The following NIBAN3 variants were observed in gnomAD, a reference collection of about 807,000 sequenced individuals.
NIBAN3 encodes the protein protein Niban 3.
In NIBAN3, 66 loss-of-function variants were observed where a neutral mutation model predicts 76.4. That is an observed-to-expected ratio of 0.86 (90% confidence interval 0.71 to 1.06). NIBAN3 has a LOEUF of 1.06. NIBAN3 is among the 50% of genes least tolerant of loss of function. The pLI is 0.00. For synonymous variants in NIBAN3, 360 were observed against 355.2 expected (o/e 1.01, Z -0.15); for missense variants, 808 against 810.7 (o/e 1.00, Z 0.04).
downstream of NIBAN3, among the ~76,000 whole-genome samples, chr19:17,554,385 C>T (rs1465203074): frequency 6.6e-6 from 1 of 151,688 alleles, no homozygotes; most frequent in African/African-American, 2.4e-5. Context: ...GAGGCTGAGG[C>T]AGGAGGATCA....
At chr19:17,547,011 G>A (rs1344775583) in intron 13 of NIBAN3, among the ~76,000 whole-genome samples, 2 of 152,144 alleles carry the variant, frequency 1.3e-5, no homozygotes, top group African/African-American at 2.4e-5. Flanking sequence ...GGGCTGTGAG[G>A]GATGTATAGG....
At chr19:17,539,550 C>T (rs2075898968) in intron 7 of NIBAN3, 53 bp from the exon 8 acceptor site, 9 of 1,479,828 alleles carry the variant, frequency 6.1e-6, no homozygotes, top group South Asian at 1.3e-5. Context: ...TCTCTCTGAC[C>T]CCCATCCCCG....
chr19:17,530,219 G>C (rs945780463), intron 1 of NIBAN3, among the ~76,000 whole-genome samples: 2 of 152,084 alleles, frequency 1.3e-5, no homozygotes, highest in African/African-American at 4.8e-5. Flanking sequence ...TACTTGGGAG[G>C]CTGAGATGGG....
rs549714945 is a variant in NIBAN3 at position 17,551,088 on chromosome 19, T to TTTTA, written c.1751-678_1751-675dup. Among the ~76,000 whole-genome samples, 435 of 151,890 alleles carry TTTTA rather than the reference T, an allele frequency of 2.9e-3. 1 individual carries two copies. The highest frequency in any genetic ancestry group is 0.01 in the African/African-American group (419 of 41,456). On this transcript the variant is annotated intron_variant, in intron 14 of 14. Transcript: ENST00000599164. ...TGGCTGCTTATACATTTCTTTTTCTTTTTATTTATTTATTTATTTATTTTT... is the reference window on the plus strand; with the variant it reads ...TGGCTGCTTATACATTTCTTTTTCTTTTTATTTATTTATTTATTTATTTATTTTT...
Position 17,539,226 on chromosome 19 carries a change from C to A in NIBAN3, c.672C>A (p.His224Gln). The A allele has an allele frequency of 6.2e-7, 1 of 1,608,754 alleles. No homozygotes were observed. Among genetic ancestry groups the A allele is most frequent in the South Asian group, 1.1e-5 (1 of 90,258 alleles). The change falls in exon 6 of 15, where the codon CAC becomes CAA. Residue 224 changes from histidine to glutamine, a missense_variant. By Grantham distance (24) the His-to-Gln change is conservative. Coordinates refer to ENST00000599164, the MANE Select transcript of NIBAN3 (RefSeq NM_001321827.2). ...GACTCTACCGGCAGCACCAAGGCCA[C>A]TTTGGCGACGACGACGTGACCCTAG... ...AVRLYRQHQG[H>Q]FGDDDVTLGS...
intron 13 of NIBAN3, among the ~76,000 whole-genome samples, chr19:17,547,955 T>C (rs2076090584): frequency 1.3e-5 from 2 of 152,160 alleles, no homozygotes; most frequent in Admixed American, 1.3e-4. Context: ...GTGAGAGACA[T>C]CGTCTTAAAA....
At chr19:17,527,465 C>T (rs1599702075) in intron 1 of NIBAN3, 70 bp downstream of exon 1, 3 of 1,430,196 alleles carry the variant, frequency 2.1e-6, no homozygotes, top group African/African-American at 1.4e-5. Flanking sequence ...GGTCCACATG[C>T]TCCATGCAGC....
At chr19:17,543,666 A>G in intron 12 of NIBAN3, 35 bp downstream of exon 12, 1 of 1,548,644 alleles carries the variant, frequency 6.5e-7, no homozygotes, top group Non-Finnish European at 8.8e-7. Flanking sequence ...AGGGTCTGAC[A>G]GCATCACCAT....
chr19:17,528,687 T>A (rs2075655952), intron 1 of NIBAN3, among the ~76,000 whole-genome samples: 1 of 152,130 alleles, frequency 6.6e-6, no homozygotes, highest in African/African-American at 2.4e-5. Flanking sequence ...GGGGTTGGTA[T>A]TGGCCTTACC....
chr19:17,542,717 G>C lies in NIBAN3; in HGVS notation c.1329+423G>C, dbSNP rs997744323. On this transcript the variant is annotated intron_variant, in intron 10 of 14. Transcript: ENST00000599164. This position sits in a 1 kb window ranked among gnomAD's most constrained non-coding sequence, Gnocchi z 4.8. ...GCAGTGCCTTGAGCGTGGGGCTAAG[G>C]GGTGAGCTCTTTCCTGAGGGCAATG... Among the ~76,000 whole-genome samples, 2 of 152,210 alleles carry C rather than the reference G, an allele frequency of 1.3e-5. No individual in the cohort carries two copies. Among genetic ancestry groups the C allele is most frequent in the African/African-American group, 4.8e-5 (2 of 41,450 alleles).
At position 17,537,448 on chromosome 19, in the gene NIBAN3, C is replaced by T. The variant is rs746649182; in HGVS notation, c.500C>T (p.Pro167Leu). The change falls in exon 5 of 15, where the codon CCC (proline) becomes CTC (leucine). Residue 167 changes from proline to leucine, a missense_variant. Physicochemically the swap from Pro to Leu is moderately conservative, Grantham distance 98 (BLOSUM62 -3). Transcript: ENST00000599164. ...PVSFPLFLQHPFRRHLCFSAA... is the reference protein window; with the variant it reads ...PVSFPLFLQHLFRRHLCFSAA... ...AGCTTCCCGCTGTTCCTGCAGCACC[C>T]CTTCCGCCGGCACCTCTGCTTCTCT... 6 of 1,614,006 alleles carry T rather than the reference C, an allele frequency of 3.7e-6. No individual in the cohort carries two copies. Among genetic ancestry groups the T allele is most frequent in the Non-Finnish European group, 5.1e-6 (6 of 1,180,010 alleles).
chr19:17,527,185 G>A (rs2075618974), upstream of NIBAN3: 8 of 1,536,656 alleles, frequency 5.2e-6, no homozygotes, highest in African/African-American at 1.4e-5. Flanking sequence ...CCAGGGGAGT[G>A]GGGAGGACGC....
downstream of NIBAN3, among the ~76,000 whole-genome samples, chr19:17,554,683 A>G (rs1217782842): frequency 6.6e-6 from 1 of 150,816 alleles, no homozygotes; most frequent in East Asian, 2.0e-4. Flanking sequence ...AGGAGGCTGA[A>G]GCAGGAGAAT....
At chr19:17,525,485 A>G (rs2144655362), upstream of NIBAN3, among the ~76,000 whole-genome samples, 1 of 152,350 alleles carries the variant, frequency 6.6e-6, no homozygotes, top group South Asian at 2.1e-4. Context: ...ATGCTGGGAC[A>G]TAAAGGTCGC....
chr19:17,547,881 G>C (rs2076088514), intron 13 of NIBAN3, among the ~76,000 whole-genome samples: 1 of 151,928 alleles, frequency 6.6e-6, no homozygotes, highest in South Asian at 2.1e-4. Flanking sequence ...TGGCCAGGCT[G>C]GTCTCGAACT....
rs10402055 is a variant in NIBAN3 at position 17,537,257 on chromosome 19, G to A, written c.428-119G>A. 0.011 allele frequency: 11,053 copies of A among 1,019,054 alleles called. 506 individuals carry two copies. The African/African-American group carries it at 0.13, about 12-fold the overall frequency. 63.1% of individuals were successfully genotyped at this position (1,019,054 alleles called of 1,614,324 possible). ...TGGAATAAGGATGGTGGCAAGTATCGTGGTATGACTCATATTTATCGAGCA... is the reference window on the plus strand; with the variant it reads ...TGGAATAAGGATGGTGGCAAGTATCATGGTATGACTCATATTTATCGAGCA... On this transcript the variant is annotated intron_variant, in intron 4 of 14. Transcript: ENST00000599164.
chr19:17,549,348 C>T, intron 13 of NIBAN3, 96 bp from the exon 14 acceptor site: 1 of 865,198 alleles, frequency 1.2e-6, no homozygotes, highest in African/African-American at 1.7e-5. Flanking sequence ...TTTAGGATTT[C>T]TGCTTGAGAC....
At chr19:17,554,649 G>A (rs577386362), downstream of NIBAN3, among the ~76,000 whole-genome samples, 26 of 151,334 alleles carry the variant, frequency 1.7e-4, no homozygotes, top group African/African-American at 5.6e-4. Context: ...GCGTGGTGGC[G>A]CGTGCCTGTA....
chr19:17,555,525 G>A (rs577501803), downstream of NIBAN3: 2 of 443,278 alleles, frequency 4.5e-6, no homozygotes, highest in South Asian at 2.1e-4. Context: ...GGGGCGTCCT[G>A]GGTAGGGCTG....
Sources: gnomAD v4.1 joint callset for allele counts (sites outside exome capture counted in the v4.1 genomes callset) on GRCh38, gnomAD v4.1.1 for gene constraint, Gnocchi (gnomAD v3.1) non-coding constraint, MANE v1.5 for transcripts, NCBI Gene and HGNC (gene_info 2026-07-23, HGNC 2026-07-21) for gene names.